NPAS3: variants seen among roughly 807,000 people sequenced by gnomAD.
NPAS3 encodes the protein neuronal PAS domain protein 3.
In NPAS3, 14 loss-of-function variants were observed where a neutral mutation model predicts 73.1. That is an observed-to-expected ratio of 0.19 (90% CI 0.13 to 0.30). The LOEUF (loss-of-function observed/expected upper bound fraction) is 0.30. NPAS3 is among the 10% of genes least tolerant of loss of function. NPAS3 has a pLI of 1.00. For synonymous variants in NPAS3, 620 were observed against 541.5 expected, an observed-to-expected ratio of 1.14 and a Z score of -2.01; for missense variants, 1,096 against 1,250.0, an observed-to-expected ratio of 0.88 and a Z score of 1.86.
chr14:33,021,781 G>A (rs779363961), intron 1 of NPAS3, among the ~76,000 whole-genome samples: 3 of 151,950 alleles, frequency 2.0e-5, no homozygotes, highest in South Asian at 4.2e-4. Context: ...TTGTGTTGTC[G>A]ACTGTAACAT....
At chr14:33,437,460 C>G (rs2049037544) in intron 4 of NPAS3, among the ~76,000 whole-genome samples, 1 of 152,144 alleles carries the variant, frequency 6.6e-6, no homozygotes, top group South Asian at 2.1e-4. Context: ...GAGCTTTTAT[C>G]CACTTAATAG....
rs565700321 is a variant in NPAS3, at chr14:33,393,673, G to C, written c.468+26405G>C. Among the ~76,000 whole-genome samples the C allele has an allele frequency of 3.3e-5, 5 of 152,214 alleles. No homozygotes were observed. The East Asian group carries it at 9.7e-4, about 29-fold the overall frequency. ...CTGTGTTATAAATGGCAAAAGAAGG[G>C]CCCCTTGCTTGTGTGGTAATGCTGT... is the stretch of plus-strand genomic sequence containing the variant. On this transcript the variant is annotated intron_variant, in intron 4 of 11. Coordinates refer to ENST00000356141, the Ensembl canonical transcript of NPAS3.
At chr14:33,120,145 G>C (rs2043188494) in intron 2 of NPAS3, among the ~76,000 whole-genome samples, 2 of 152,040 alleles carry the variant, frequency 1.3e-5, no homozygotes, top group African/African-American at 4.8e-5. Flanking sequence ...ATTTTTAGTA[G>C]AGATGGGGTT....
At chr14:32,997,622 T>C (rs2038631615) in intron 1 of NPAS3, among the ~76,000 whole-genome samples, 1 of 152,134 alleles carries the variant, frequency 6.6e-6, no homozygotes, top group Non-Finnish European at 1.5e-5. Flanking sequence ...CCTGCTGCCA[T>C]CCATGTAAGA....
At chr14:33,427,623 C>T (rs2139103135) in intron 4 of NPAS3, among the ~76,000 whole-genome samples, 1 of 151,898 alleles carries the variant, frequency 6.6e-6, no homozygotes, top group East Asian at 1.9e-4. Context: ...AACTTTGAAT[C>T]TGATTCTAAC....
chr14:33,062,900 C>T (rs984595617), intron 2 of NPAS3, among the ~76,000 whole-genome samples: 1 of 152,212 alleles, frequency 6.6e-6, no homozygotes, highest in Non-Finnish European at 1.5e-5. Context: ...ACAAATGTGT[C>T]TTTAGTGAAT....
At chr14:33,483,252 G>A (rs536094045) in intron 4 of NPAS3, among the ~76,000 whole-genome samples, 4 of 152,172 alleles carry the variant, frequency 2.6e-5, no homozygotes, top group Non-Finnish European at 5.9e-5. Context: ...GCTCAGCTCT[G>A]TGTCCTGGTG....
At chr14:33,319,128 G>GTTGTATAGT (rs1566791876) in intron 3 of NPAS3, among the ~76,000 whole-genome samples, 1 of 138,792 alleles carries the variant, frequency 7.2e-6, no homozygotes, top group Non-Finnish European at 1.6e-5. Flanking sequence ...GGCCTCTCTA[G>GTTGTATAGT]TTGGATAGTT....
At chr14:33,105,656 A>C (rs2042701353) in intron 2 of NPAS3, among the ~76,000 whole-genome samples, 1 of 152,124 alleles carries the variant, frequency 6.6e-6, no homozygotes, top group Non-Finnish European at 1.5e-5. Context: ...AGGACCAGGC[A>C]ATAGCTAATG....
chr14:33,319,957 A>T (rs532197059), intron 3 of NPAS3, among the ~76,000 whole-genome samples: 1 of 152,318 alleles, frequency 6.6e-6, no homozygotes, highest in South Asian at 2.1e-4. Flanking sequence ...AATCAAAGCC[A>T]AACTATGACC....
At position 33,180,616 on chromosome 14, in the gene NPAS3, G is replaced by A. The variant is rs575935622; in HGVS notation, c.141-34566G>A. On this transcript the variant is annotated intron_variant, in intron 2 of 11. Transcript: ENST00000356141. ...AGATCGAGACCATCCTGGCTAACAC[G>A]GTGAAACCCCATCTGTATTAAAAAT... Among the ~76,000 whole-genome samples, 6 of 151,944 alleles carry A rather than the reference G, an allele frequency of 3.9e-5. No homozygotes were observed. In the South Asian group the frequency reaches 6.2e-4, roughly 16 times the overall value.
chr14:33,197,344 G>T (rs1451363028), intron 2 of NPAS3, among the ~76,000 whole-genome samples: 2 of 151,812 alleles, frequency 1.3e-5, no homozygotes, highest in Non-Finnish European at 2.9e-5. Context: ...GCCTCACATA[G>T]GAATGTGTCT....
At chr14:33,586,900 T>C (rs921357124) in intron 5 of NPAS3, among the ~76,000 whole-genome samples, 1 of 152,118 alleles carries the variant, frequency 6.6e-6, no homozygotes, top group Admixed American at 6.5e-5. Context: ...GTAAGACATT[T>C]TGGAGAATAT....
chr14:33,180,427 G>A (rs949711464), intron 2 of NPAS3, among the ~76,000 whole-genome samples: 25 of 152,174 alleles, frequency 1.6e-4, no homozygotes, highest in Non-Finnish European at 2.9e-5. Context: ...TATTAGCAAT[G>A]TGGTTAATCC....
At chr14:33,667,396 G>T (rs2059482691) in intron 5 of NPAS3, among the ~76,000 whole-genome samples, 1 of 152,008 alleles carries the variant, frequency 6.6e-6, no homozygotes. Context: ...TTCTCAAAAG[G>T]GTTTGCTCCC....
intron 9 of NPAS3, among the ~76,000 whole-genome samples, chr14:33,781,673 TG>T (rs2062983138): frequency 6.6e-6 from 1 of 152,268 alleles, no homozygotes; most frequent in South Asian, 2.1e-4. Context: ...GCACAATTCC[TG>T]GTTCTGTCCT....
chr14:33,526,561 A>G (rs1432907285), intron 4 of NPAS3, among the ~76,000 whole-genome samples: 2 of 151,840 alleles, frequency 1.3e-5, no homozygotes, highest in African/African-American at 4.8e-5. Flanking sequence ...CTTGTTAGTC[A>G]TGGGGGATCA....
chr14:33,009,136 G>C (rs1414234189), intron 1 of NPAS3, among the ~76,000 whole-genome samples: 3 of 152,116 alleles, frequency 2.0e-5, no homozygotes, highest in Non-Finnish European at 4.4e-5. Context: ...TATTTCTTGA[G>C]GGCCGACTAT....
At chr14:32,994,765 G>A (rs1002713468) in intron 1 of NPAS3, among the ~76,000 whole-genome samples, 2 of 151,932 alleles carry the variant, frequency 1.3e-5, no homozygotes, top group Admixed American at 1.3e-4. Flanking sequence ...CCAAGTAGCT[G>A]GGATTACAGG....
Sources: allele counts gnomAD v4.1 joint callset (sites outside exome capture counted in the v4.1 genomes callset), GRCh38; gene constraint gnomAD v4.1.1; transcripts MANE v1.5; gene names NCBI Gene and HGNC (gene_info 2026-07-23, HGNC 2026-07-21).